Variants in RUNX1T1 observed in about 807,000 individuals in gnomAD.
RUNX1T1 encodes RUNX1 partner transcriptional co-repressor 1, also known as protein CBFA2T1.
A neutral mutation model predicts 62.8 loss-of-function variants in RUNX1T1; 4 were observed. The observed-to-expected ratio is 0.06, with a 90% CI of 0.03 to 0.15. The LOEUF is 0.15. Among genes scored for constraint, RUNX1T1 ranks in the 10% least tolerant of loss-of-function variants. The pLI is 1.00. For missense variants in RUNX1T1, 508 were observed against 754.3 expected (o/e 0.67, Z 3.82); for synonymous variants, 291 against 286.0 (o/e 1.02, Z -0.18).
At chr8:92,092,062 T>C (rs1837107177) in intron 1 of RUNX1T1, among the ~76,000 whole-genome samples, 1 of 152,116 alleles carries the variant, frequency 6.6e-6, no homozygotes, top group African/African-American at 2.4e-5. Flanking sequence ...CCCAGACAAA[T>C]TACTATAGCC....
chr8:92,079,225 T>C (rs375961437), intron 1 of RUNX1T1, among the ~76,000 whole-genome samples: 2 of 152,334 alleles, frequency 1.3e-5, no homozygotes, highest in East Asian at 3.9e-4. Flanking sequence ...CTAACTCTTT[T>C]CTTTTCCTTC....
intron 5 of RUNX1T1, among the ~76,000 whole-genome samples, chr8:91,994,119 G>A (rs1265645554): frequency 1.3e-5 from 2 of 152,130 alleles, no homozygotes; most frequent in Admixed American, 1.3e-4. Context: ...TGGAAATGAT[G>A]GCAAAGCATG....
chr8:92,022,522 C>A (rs1824320519), intron 1 of RUNX1T1, among the ~76,000 whole-genome samples: 1 of 152,134 alleles, frequency 6.6e-6, no homozygotes. Flanking sequence ...TGGATGGGAT[C>A]GGTCTCTTAC....
At chr8:92,064,945 C>G (rs1832655336), upstream of RUNX1T1, among the ~76,000 whole-genome samples, 1 of 152,130 alleles carries the variant, frequency 6.6e-6, no homozygotes. Context: ...TCAACAAAAC[C>G]TGGATCCCTG....
chr8:92,008,388 T>TCACACACACACACACA (rs566293413), intron 4 of RUNX1T1, among the ~76,000 whole-genome samples: 12 of 131,966 alleles, frequency 9.1e-5, no homozygotes, highest in East Asian at 4.5e-4. Flanking sequence ...TCTCTCTCTC[T>TCACACACACACACACA]CACACACACA....
At chr8:91,986,767 TCAAGGATAG>T in intron 7 of RUNX1T1, 111 bp downstream of exon 8, 1 of 701,758 alleles carries the variant, frequency 1.4e-6, no homozygotes, top group Admixed American at 2.3e-5. Flanking sequence ...CATTTTTTTT[TCAAGGATAG>T]CAGGAAAAAC....
upstream of RUNX1T1, among the ~76,000 whole-genome samples, chr8:92,065,410 T>A (rs1458830632): frequency 6.6e-6 from 1 of 152,164 alleles, no homozygotes. Context: ...ACCAATTAAG[T>A]ACTTCCTCAG....
At chr8:91,959,643 C>T in exon 11 of RUNX1T1, 1 of 225,010 alleles carries the variant, frequency 4.4e-6, no homozygotes, top group African/African-American at 2.2e-5. Context: ...AGGAAAAAAA[C>T]CGAACATCTG....
chr8:91,999,471 G>C (rs1181877167), intron 5 of RUNX1T1, among the ~76,000 whole-genome samples: 1 of 152,118 alleles, frequency 6.6e-6, no homozygotes, highest in Non-Finnish European at 1.5e-5. Context: ...CATGAATTTG[G>C]CATTCAATAA....
chr8:92,054,140 AAGAC>A (rs1408477499), intron 1 of RUNX1T1, among the ~76,000 whole-genome samples: 1 of 151,956 alleles, frequency 6.6e-6, no homozygotes, highest in Non-Finnish European at 1.5e-5. Context: ...AAAAAAAAAA[AAGAC>A]AGGCTTTTCA....
intron 4 of RUNX1T1, chr8:92,005,677 C>A (rs1438711139): frequency 1.2e-5 from 2 of 165,962 alleles, no homozygotes; most frequent in Non-Finnish European, 2.6e-5. Flanking sequence ...AAAATATATA[C>A]ACAGTCCAAT....
At chr8:92,060,553 A>ATGTGTGTGTGTGTGTGTGTGTGTGTG (rs1271953758) in intron 1 of RUNX1T1, among the ~76,000 whole-genome samples, 1 of 63,946 alleles carries the variant, frequency 1.6e-5, no homozygotes, top group African/African-American at 5.8e-5. Flanking sequence ...ATATATATAT[A>ATGTGTGTGTGTGTGTGTGTGTGTGTG]TGTGTGTGTG....
At chr8:92,038,212 G>A (rs996350954) in intron 1 of RUNX1T1, among the ~76,000 whole-genome samples, 1 of 152,050 alleles carries the variant, frequency 6.6e-6, no homozygotes, top group African/African-American at 2.4e-5. Flanking sequence ...ACCACACCCA[G>A]CTAATCAAAA....
rs11374252 is a variant in RUNX1T1 at position 91,970,043 on chromosome 8, T to TGTGTGTGTGTTG, written c.1458+614_1458+615insCAACACACACAC. ...CTGTGTGTGTGTGTGTGTGTGTGTG[T>TGTGTGTGTGTTG]TGTGTGTGTGTGTGTGAGAATTATT... On this transcript the variant is annotated intron_variant, in intron 10 of 10. Transcript: ENST00000396218. Among the ~76,000 whole-genome samples, 776 of 142,792 alleles carry TGTGTGTGTGTTG rather than the reference T, an allele frequency of 5.4e-3. 8 individuals are homozygous for TGTGTGTGTGTTG. Among genetic ancestry groups the TGTGTGTGTGTTG allele is most frequent in the African/African-American group, 0.019 (730 of 37,790 alleles). The allele number at this position is 142,792 out of a possible 152,430, so 93.7% of individuals were successfully genotyped here.
intron 1 of RUNX1T1, among the ~76,000 whole-genome samples, chr8:92,080,628 G>C (rs1835101715): frequency 6.6e-6 from 1 of 152,222 alleles, no homozygotes; most frequent in South Asian, 2.1e-4. Context: ...TACACCTTTG[G>C]ACCCTACATT....
chr8:92,064,800 C>G (rs1330602810), upstream of RUNX1T1, among the ~76,000 whole-genome samples: 4 of 152,146 alleles, frequency 2.6e-5, no homozygotes, highest in Non-Finnish European at 5.9e-5. Flanking sequence ...AATATCGGTA[C>G]ACTGCAAGTC....
At chr8:91,960,041 A>G in exon 11 of RUNX1T1, 1 of 600,644 alleles carries the variant, frequency 1.7e-6, no homozygotes, top group Non-Finnish European at 2.9e-6. Context: ...ATCCACAATA[A>G]GTCATTACGA....
intron 1 of RUNX1T1, among the ~76,000 whole-genome samples, chr8:92,041,861 C>T (rs914911719): frequency 1.3e-5 from 2 of 149,090 alleles, no homozygotes; most frequent in African/African-American, 2.5e-5. Context: ...CTCTGTTGTC[C>T]AGGCTGGAAT....
intron 1 of RUNX1T1, among the ~76,000 whole-genome samples, chr8:92,056,992 T>C (rs527452255): frequency 2.0e-5 from 3 of 152,310 alleles, no homozygotes; most frequent in East Asian, 3.9e-4. Flanking sequence ...TTTTTGTTCC[T>C]GTATCTTAAT....
Sources: gnomAD v4.1 joint callset for allele counts (sites outside exome capture counted in the v4.1 genomes callset) on GRCh38, gnomAD v4.1.1 for gene constraint, MANE v1.5 for transcripts, NCBI Gene and HGNC (gene_info 2026-07-23, HGNC 2026-07-21) for gene names.